ADAMTSL1: variants seen among roughly 807,000 people sequenced by gnomAD.
ADAMTSL1 encodes ADAMTS-like protein 1.
ADAMTSL1 carries 126 observed loss-of-function variants against 201.8 expected under a neutral mutation model. That is an observed-to-expected ratio of 0.62 (90% confidence interval 0.54 to 0.72). The LOEUF (loss-of-function observed/expected upper bound fraction) is 0.72, where lower values mean the gene tolerates loss of function less well. Among genes scored for constraint, ADAMTSL1 ranks in the 30% least tolerant of loss-of-function variants. The probability of loss-of-function intolerance (pLI) is 0.00; values close to 1 mark genes in which losing one functional copy is unlikely to be tolerated. For missense variants in ADAMTSL1, 2,679 were observed against 2,277.8 expected, an observed-to-expected ratio of 1.18 and a Z score of -3.59; for synonymous variants, 1,121 against 903.4, an observed-to-expected ratio of 1.24 and a Z score of -4.32.
At chr9:18,373,786 T>G (rs1197979849) in intron 2 of ADAMTSL1, among the ~76,000 whole-genome samples, 1 of 152,148 alleles carries the variant, frequency 6.6e-6, no homozygotes, top group Admixed American at 6.5e-5. Context: ...ATCTCCCTAC[T>G]TTGGTCTTTC....
chr9:18,266,539 C>A (rs1184296817), intron 2 of ADAMTSL1, among the ~76,000 whole-genome samples: 1 of 152,144 alleles, frequency 6.6e-6, no homozygotes, highest in East Asian at 1.9e-4. Context: ...GCTCTTTCTT[C>A]CTGTCGATGA....
chr9:18,446,955 T>C (rs563935630), intron 2 of ADAMTSL1, among the ~76,000 whole-genome samples: 2 of 149,864 alleles, frequency 1.3e-5, no homozygotes, highest in African/African-American at 5.1e-5. Flanking sequence ...CTTTAAAATT[T>C]CAAATTAACA....
At position 17,983,064 on chromosome 9, in the gene ADAMTSL1, C is replaced by CTTTTTTTTTTTTTTTTTTTTTTTTTTT. The variant is rs202085722; in HGVS notation, c.87+76145_87+76146insTTTTTTTTTTTTTTTTTTTTTTTTTTT. On this transcript the variant is annotated intron_variant, in intron 1 of 29. Coordinates refer to the ADAMTSL1 transcript ENST00000680146. Reference sequence around the variant, plus strand: ...TTTTCATTTTCTTTTTCTTTTCTTTCTTTCTTTCTTTCTTTTTTTTTTTTG... The same window carrying CTTTTTTTTTTTTTTTTTTTTTTTTTTT: ...TTTTCATTTTCTTTTTCTTTTCTTTCTTTTTTTTTTTTTTTTTTTTTTTTTTTTTTCTTTCTTTCTTTTTTTTTTTTG... Among the ~76,000 whole-genome samples the CTTTTTTTTTTTTTTTTTTTTTTTTTTT allele has an allele frequency of 4.5e-5, 4 of 88,588 alleles. 1 individual carries two copies. The highest frequency in any genetic ancestry group is 1.3e-4 in the African/African-American group (3 of 23,228). 58.1% of individuals were successfully genotyped at this position (88,588 alleles called of 152,430 possible).
chr9:18,307,140 A>G (rs1380354186), intron 2 of ADAMTSL1, among the ~76,000 whole-genome samples: 1 of 152,168 alleles, frequency 6.6e-6, no homozygotes, highest in Non-Finnish European at 1.5e-5. Context: ...AGACAAGCAA[A>G]TGCTGAGAGA....
At chr9:18,297,254 A>G (rs1434785868) in intron 2 of ADAMTSL1, among the ~76,000 whole-genome samples, 1 of 152,148 alleles carries the variant, frequency 6.6e-6, no homozygotes, top group Admixed American at 6.5e-5. Context: ...GTGTATAGAT[A>G]GTGACTTTTG....
intron 1 of ADAMTSL1, among the ~76,000 whole-genome samples, chr9:18,141,642 G>C (rs1826402739): frequency 6.6e-6 from 1 of 152,118 alleles, no homozygotes; most frequent in Non-Finnish European, 1.5e-5. Flanking sequence ...CCTGCTCTTT[G>C]TGGCAGCCCC....
At chr9:17,953,073 A>T (rs1827793525) in intron 1 of ADAMTSL1, among the ~76,000 whole-genome samples, 1 of 150,834 alleles carries the variant, frequency 6.6e-6, no homozygotes, top group Non-Finnish European at 1.5e-5. Flanking sequence ...TTACATTCAT[A>T]TAGGTAAAAA....
At chr9:18,886,613 C>G (rs1828918604) in intron 23 of ADAMTSL1, among the ~76,000 whole-genome samples, 1 of 152,182 alleles carries the variant, frequency 6.6e-6, no homozygotes, top group Non-Finnish European at 1.5e-5. Flanking sequence ...GGCTTGCTGT[C>G]TGCTTCATAG....
intron 1 of ADAMTSL1, among the ~76,000 whole-genome samples, chr9:18,056,410 G>A (rs184953822): frequency 6.6e-5 from 10 of 152,156 alleles, no homozygotes; most frequent in South Asian, 2.1e-4. Flanking sequence ...TGGCTCAACC[G>A]GGGCTCTGCA....
At chr9:18,337,391 G>A (rs1378593673) in intron 2 of ADAMTSL1, among the ~76,000 whole-genome samples, 2 of 152,094 alleles carry the variant, frequency 1.3e-5, no homozygotes, top group African/African-American at 4.8e-5. Context: ...TTATTGTGGG[G>A]CTTTACCTTG....
chr9:18,131,309 A>G (rs889194728), intron 1 of ADAMTSL1, among the ~76,000 whole-genome samples: 1 of 152,204 alleles, frequency 6.6e-6, no homozygotes, highest in Non-Finnish European at 1.5e-5. Flanking sequence ...AAATTATACC[A>G]GTATTTCTAT....
At chr9:18,857,876 GA>G (rs1207364473) in intron 23 of ADAMTSL1, among the ~76,000 whole-genome samples, 1 of 151,996 alleles carries the variant, frequency 6.6e-6, no homozygotes, top group African/African-American at 2.4e-5. Flanking sequence ...CATATCTTTT[GA>G]CACGTTCATA....
At position 18,770,146 on chromosome 9, in the gene ADAMTSL1, C is replaced by G. The variant is rs545162372; in HGVS notation, c.2218-456C>G. On this transcript the variant is annotated intron_variant, in intron 16 of 28. Transcript: ENST00000380548. ...ATGCCCATTCCGTGTGGTAGAGTGC[C>G]TTCACTTAGAGAAAGGGCTGTCTTT... Among the ~76,000 whole-genome samples, 12 of 152,294 alleles carry G rather than the reference C, an allele frequency of 7.9e-5. No individual in the cohort carries two copies. The South Asian group carries it at 2.5e-3, about 32-fold the overall frequency.
At chr9:18,487,439 C>G (rs1242927259) in intron 1 of ADAMTSL1, among the ~76,000 whole-genome samples, 2 of 152,108 alleles carry the variant, frequency 1.3e-5, no homozygotes, top group Non-Finnish European at 2.9e-5. Context: ...TCACATGGTC[C>G]TTCTGACTTT....
chr9:18,820,445 C>T (rs1306442583), intron 21 of ADAMTSL1, among the ~76,000 whole-genome samples: 1 of 152,036 alleles, frequency 6.6e-6, no homozygotes, highest in East Asian at 1.9e-4. Context: ...GGAAAGAAAA[C>T]AGCTTGTTCA....
At chr9:18,293,474 C>G (rs374627584) in intron 2 of ADAMTSL1, among the ~76,000 whole-genome samples, 2 of 152,330 alleles carry the variant, frequency 1.3e-5, no homozygotes, top group African/African-American at 2.4e-5. Context: ...CTTAAGAATA[C>G]TGTCTGGGCC....
At chr9:18,099,636 CTTTT>C (rs35621900) in intron 1 of ADAMTSL1, among the ~76,000 whole-genome samples, 18 of 134,012 alleles carry the variant, frequency 1.3e-4, no homozygotes, top group African/African-American at 4.9e-4. Context: ...CTCTCTCTCC[CTTTT>C]TTTTTTTTTT....
intron 2 of ADAMTSL1, among the ~76,000 whole-genome samples, chr9:18,451,604 C>T (rs967869855): frequency 2.0e-5 from 3 of 152,152 alleles, no homozygotes; most frequent in African/African-American, 2.4e-5. Context: ...CTGGCTACCC[C>T]GGAAATGAAA....
intron 19 of ADAMTSL1, among the ~76,000 whole-genome samples, chr9:18,794,638 TG>T (rs879282639): frequency 0.14 from 20,332 of 143,706 alleles, 1,651 homozygotes; most frequent in Admixed American, 0.24. Flanking sequence ...TTTTTTTTGT[TG>T]TTGTTGTTTT....
Sources: allele counts gnomAD v4.1 joint callset (sites outside exome capture counted in the v4.1 genomes callset), GRCh38; gene constraint gnomAD v4.1.1; transcripts MANE v1.5; gene names NCBI Gene and HGNC (gene_info 2026-07-23, HGNC 2026-07-21).